The following CACNB4 variants were observed in gnomAD, a reference collection of about 807,000 sequenced individuals.
CACNB4 encodes the protein calcium voltage-gated channel auxiliary subunit beta 4, also known as voltage-dependent L-type calcium channel subunit beta-4.
In CACNB4, 32 loss-of-function variants were observed where a neutral mutation model predicts 71.2. The observed-to-expected ratio is 0.45, with a 90% CI of 0.34 to 0.60. CACNB4 has a LOEUF of 0.60. CACNB4 is among the 20% of genes least tolerant of loss of function. CACNB4 has a pLI of 0.01. For synonymous variants in CACNB4, 231 were observed against 236.9 expected (o/e 0.97, Z 0.23); for missense variants, 464 against 647.9 (o/e 0.72, Z 3.08).
chr2:151,920,867 G>A (rs944470471), intron 2 of CACNB4, among the ~76,000 whole-genome samples: 2 of 152,040 alleles, frequency 1.3e-5, no homozygotes, highest in African/African-American at 4.8e-5. Context: ...GGCCAGGCAC[G>A]GTGACTCACG....
chr2:151,845,727 G>A (rs370903530), intron 12 of CACNB4, among the ~76,000 whole-genome samples: 3 of 152,196 alleles, frequency 2.0e-5, no homozygotes, highest in East Asian at 1.9e-4. Context: ...GAAGGGCAAC[G>A]CTGAGCTGTT....
At chr2:151,901,947 T>A (rs1465873177) in intron 2 of CACNB4, among the ~76,000 whole-genome samples, 1 of 152,132 alleles carries the variant, frequency 6.6e-6, no homozygotes, top group African/African-American at 2.4e-5. Flanking sequence ...TTTTGAGTTA[T>A]TGTCAAAGAA....
intron 2 of CACNB4, among the ~76,000 whole-genome samples, chr2:151,898,731 T>C (rs1294051820): frequency 6.6e-6 from 1 of 152,256 alleles, no homozygotes; most frequent in African/African-American, 2.4e-5. Flanking sequence ...TTTGTTATCA[T>C]TCTCATGCTG....
At chr2:151,963,729 A>C (rs1444541949) in intron 2 of CACNB4, among the ~76,000 whole-genome samples, 2 of 152,140 alleles carry the variant, frequency 1.3e-5, no homozygotes, top group East Asian at 3.8e-4. Context: ...TGCTTCTAAG[A>C]AGCTGTTTTG....
At chr2:151,953,305 C>G (rs1008023965) in intron 2 of CACNB4, among the ~76,000 whole-genome samples, 1 of 152,108 alleles carries the variant, frequency 6.6e-6, no homozygotes, top group African/African-American at 2.4e-5. Flanking sequence ...ACCAGCAGGT[C>G]CCCATCCTTA....
chr2:152,087,768 A>G (rs574434905), intron 2 of CACNB4, among the ~76,000 whole-genome samples: 1 of 152,258 alleles, frequency 6.6e-6, no homozygotes, highest in African/African-American at 2.4e-5. Context: ...AGTCCCAGCT[A>G]CTTGGGAGAC....
chr2:152,026,605 C>T (rs1311987617), intron 2 of CACNB4, among the ~76,000 whole-genome samples: 1 of 152,174 alleles, frequency 6.6e-6, no homozygotes, highest in African/African-American at 2.4e-5. Context: ...GGCTCGAACT[C>T]CTGACCTCAG....
At chr2:151,871,564 T>C (rs1409975287) in intron 6 of CACNB4, 1 of 152,478 alleles carries the variant, frequency 6.6e-6, no homozygotes, top group Non-Finnish European at 1.5e-5. Flanking sequence ...AGCTCCAGTC[T>C]AGTTGGGTAC....
chr2:151,905,873 C>A (rs2099854679), intron 2 of CACNB4, among the ~76,000 whole-genome samples: 1 of 152,240 alleles, frequency 6.6e-6, no homozygotes, highest in African/African-American at 2.4e-5. Flanking sequence ...TGAAAGAATT[C>A]TCCACTTCGT....
At chr2:152,011,836 C>T (rs922248858) in intron 2 of CACNB4, among the ~76,000 whole-genome samples, 3 of 152,066 alleles carry the variant, frequency 2.0e-5, no homozygotes, top group Admixed American at 2.0e-4. Context: ...GACAGTGGTC[C>T]CATAAGACTG....
intron 2 of CACNB4, among the ~76,000 whole-genome samples, chr2:151,927,250 G>A (rs544141553): frequency 2.6e-5 from 4 of 152,328 alleles, no homozygotes; most frequent in Admixed American, 6.5e-5. Flanking sequence ...TCAGTAGAGA[G>A]AGGGGAAATT....
intron 9 of CACNB4, chr2:151,868,429 C>T (rs1448223523): frequency 2.0e-5 from 3 of 152,162 alleles, no homozygotes; most frequent in East Asian, 1.9e-4. Context: ...GCATTCAGCA[C>T]TGTGAAAGAG....
intron 2 of CACNB4, among the ~76,000 whole-genome samples, chr2:151,996,088 T>A (rs925475340): frequency 1.3e-5 from 2 of 152,246 alleles, no homozygotes; most frequent in Non-Finnish European, 2.9e-5. Context: ...GACATGGTAA[T>A]CCTTCAGACA....
chr2:151,910,053 T>C (rs1339515814), intron 2 of CACNB4, among the ~76,000 whole-genome samples: 2 of 152,236 alleles, frequency 1.3e-5, no homozygotes, highest in African/African-American at 2.4e-5. Flanking sequence ...TGTTGTTTCC[T>C]AACTTTTTAA....
Position 151,957,264 on chromosome 2 carries a change from G to GTA in CACNB4, c.148-73895_148-73894insTA, listed in dbSNP as rs1560067359. On this transcript the variant is annotated intron_variant, in intron 2 of 13. Transcript: ENST00000539935. Reference sequence around the variant, plus strand: ...AAAAGTAGAGTGGCTGGGCGTGTGTGTGTGTGTGTGTGTGTGTGTGTGTGT... The same window carrying GTA: ...AAAAGTAGAGTGGCTGGGCGTGTGTGTATGTGTGTGTGTGTGTGTGTGTGTGT... Among the ~76,000 whole-genome samples the GTA allele has an allele frequency of 2.7e-4, 40 of 147,608 alleles. 1 individual carries two copies. Among genetic ancestry groups the GTA allele is most frequent in the Admixed American group, 1.1e-3 (17 of 14,922 alleles).
chr2:151,854,624 A>T (rs906385168), intron 11 of CACNB4: 4 of 152,178 alleles, frequency 2.6e-5, no homozygotes, highest in African/African-American at 9.7e-5. Context: ...CCCAAATCAA[A>T]AGAAACCAAT....
chr2:152,061,156 G>C (rs1169463688), intron 2 of CACNB4, among the ~76,000 whole-genome samples: 1 of 151,970 alleles, frequency 6.6e-6, no homozygotes, highest in Non-Finnish European at 1.5e-5. Context: ...AAAAATTTTT[G>C]TCAATTAGCT....
intron 2 of CACNB4, among the ~76,000 whole-genome samples, chr2:151,955,420 A>T (rs551379351): frequency 6.6e-6 from 1 of 152,314 alleles, no homozygotes; most frequent in South Asian, 2.1e-4. Flanking sequence ...GAATGGTAAG[A>T]CTTGATCCTT....
intron 2 of CACNB4, among the ~76,000 whole-genome samples, chr2:151,946,053 G>T (rs946384343): frequency 9.2e-5 from 14 of 152,070 alleles, no homozygotes; most frequent in Admixed American, 5.9e-4. Flanking sequence ...CCAAGGCCAG[G>T]TGCGGTGGCT....
Sources: gnomAD v4.1 joint callset for allele counts (sites outside exome capture counted in the v4.1 genomes callset) on GRCh38, gnomAD v4.1.1 for gene constraint, MANE v1.5 for transcripts, NCBI Gene and HGNC (gene_info 2026-07-23, HGNC 2026-07-21) for gene names.